Variants in PPP1R12B observed in about 807,000 individuals in gnomAD.
PPP1R12B encodes protein phosphatase 1 regulatory subunit 12B.
A neutral mutation model predicts 126.1 loss-of-function variants in PPP1R12B; 76 were observed. The ratio of observed to expected loss-of-function variants is 0.60; its 90% CI spans 0.50 to 0.73. PPP1R12B has a LOEUF of 0.73. PPP1R12B is among the 30% of genes least tolerant of loss of function. The pLI, the probability that PPP1R12B is intolerant of heterozygous loss-of-function variation, is 0.00. For synonymous variants in PPP1R12B, 356 were observed against 434.7 expected (o/e 0.82, Z 2.25); for missense variants, 1,052 against 1,205.1 (o/e 0.87, Z 1.88).
chr1:202,441,632 A>G (rs987314536), intron 11 of PPP1R12B, among the ~76,000 whole-genome samples: 1 of 152,186 alleles, frequency 6.6e-6, no homozygotes, highest in Non-Finnish European at 1.5e-5. Context: ...GTTTTGCAAC[A>G]AAGACCCTGA....
intron 1 of PPP1R12B, among the ~76,000 whole-genome samples, chr1:202,415,477 G>A (rs189226021): frequency 1.6e-3 from 237 of 152,304 alleles, no homozygotes; most frequent in Middle Eastern, 0.01. Flanking sequence ...TAAAAGGCAA[G>A]TTTTAAAAAG....
At chr1:202,408,669 C>T (rs1284854185) in intron 1 of PPP1R12B, among the ~76,000 whole-genome samples, 1 of 152,042 alleles carries the variant, frequency 6.6e-6, no homozygotes, top group Non-Finnish European at 1.5e-5. Context: ...CAGGATCACA[C>T]TCCCTCTGGT....
chr1:202,472,216 G>T, intron 13 of PPP1R12B: 1 of 490,306 alleles, frequency 2.0e-6, no homozygotes, highest in East Asian at 3.2e-5. Context: ...GTACTTTTTA[G>T]TTTGTCTTTT....
intron 14 of PPP1R12B, among the ~76,000 whole-genome samples, chr1:202,489,110 A>G (rs1274281315): frequency 6.6e-6 from 1 of 152,214 alleles, no homozygotes; most frequent in Non-Finnish European, 1.5e-5. Flanking sequence ...AAAAGCTTTC[A>G]TTGTGTTGAA....
chr1:202,387,403 A>G (rs1482937676), intron 1 of PPP1R12B, among the ~76,000 whole-genome samples: 1 of 152,188 alleles, frequency 6.6e-6, no homozygotes, highest in Non-Finnish European at 1.5e-5. Flanking sequence ...TAATTAAGTG[A>G]AGACTTTGGC....
At chr1:202,487,023 G>A (rs929609519) in intron 13 of PPP1R12B, among the ~76,000 whole-genome samples, 1 of 152,174 alleles carries the variant, frequency 6.6e-6, no homozygotes, top group Admixed American at 6.5e-5. Context: ...TTTCATGAAT[G>A]TGGTAGGAAT....
chr1:202,443,954 G>A (rs1254927470), intron 12 of PPP1R12B, among the ~76,000 whole-genome samples: 2 of 152,196 alleles, frequency 1.3e-5, no homozygotes, highest in African/African-American at 4.8e-5. Context: ...CATGCTTAAT[G>A]ATATGAGCAC....
At chr1:202,393,055 C>A (rs1446553556) in intron 1 of PPP1R12B, among the ~76,000 whole-genome samples, 1 of 152,140 alleles carries the variant, frequency 6.6e-6, no homozygotes, top group Non-Finnish European at 1.5e-5. Context: ...AAGGGATTCT[C>A]GTGCCTCAGC....
At chr1:202,549,488 C>G (rs1686083893) in intron 18 of PPP1R12B, among the ~76,000 whole-genome samples, 2 of 149,190 alleles carry the variant, frequency 1.3e-5, no homozygotes, top group Non-Finnish European at 3.0e-5. Flanking sequence ...GGCGTGATCT[C>G]TGCTCACCGC....
chr1:202,417,071 C>T (rs944394659), intron 2 of PPP1R12B, among the ~76,000 whole-genome samples, 154 bp downstream of exon 2: 3 of 152,180 alleles, frequency 2.0e-5, no homozygotes, highest in African/African-American at 7.2e-5. Flanking sequence ...TAAGCCATAA[C>T]TAATACAATG....
intron 1 of PPP1R12B, among the ~76,000 whole-genome samples, chr1:202,378,849 C>G (rs1661720364): frequency 6.6e-6 from 1 of 152,162 alleles, no homozygotes; most frequent in South Asian, 2.1e-4. Flanking sequence ...TGAATTAAAA[C>G]GCTTATTCTT....
At chr1:202,495,744 G>C in intron 17 of PPP1R12B, 62 bp downstream of exon 17, 4 of 1,439,642 alleles carry the variant, frequency 2.8e-6, no homozygotes, top group Non-Finnish European at 3.9e-6. Context: ...TCTTTCAGTT[G>C]AGTTTAAAAG....
chr1:202,380,055 C>G (rs547089484), intron 1 of PPP1R12B, among the ~76,000 whole-genome samples: 7 of 152,262 alleles, frequency 4.6e-5, no homozygotes, highest in Non-Finnish European at 8.8e-5. Flanking sequence ...TCCTCAACCT[C>G]ATTCACATAC....
intron 1 of PPP1R12B, among the ~76,000 whole-genome samples, chr1:202,415,336 T>G (rs1667932895): frequency 6.6e-6 from 1 of 152,214 alleles, no homozygotes; most frequent in Non-Finnish European, 1.5e-5. Context: ...TCACCATTGC[T>G]TTTGCATCAT....
At chr1:202,510,813 G>T (rs1329782674) in intron 18 of PPP1R12B, among the ~76,000 whole-genome samples, 2 of 149,202 alleles carry the variant, frequency 1.3e-5, no homozygotes, top group Non-Finnish European at 3.0e-5. Context: ...ATTTATTTTT[G>T]ATATGTATTA....
intron 18 of PPP1R12B, among the ~76,000 whole-genome samples, chr1:202,548,162 C>T (rs543009551): frequency 6.6e-6 from 1 of 152,254 alleles, no homozygotes; most frequent in East Asian, 1.9e-4. Flanking sequence ...TCAGCCTTAA[C>T]CAGTAAGGCA....
intron 2 of PPP1R12B, among the ~76,000 whole-genome samples, chr1:202,418,673 C>T (rs1191977249): frequency 6.6e-6 from 1 of 152,058 alleles, no homozygotes; most frequent in African/African-American, 2.4e-5. Context: ...TGATCTAGAC[C>T]AGAATCCATT....
chr1:202,401,775 A>G (rs2148563576), intron 1 of PPP1R12B, among the ~76,000 whole-genome samples: 1 of 152,340 alleles, frequency 6.6e-6, no homozygotes, highest in East Asian at 1.9e-4. Context: ...TCTTTTGCCT[A>G]TACAGCATCT....
chr1:202,414,498 T>G (rs1352591786), intron 1 of PPP1R12B, among the ~76,000 whole-genome samples: 1 of 152,344 alleles, frequency 6.6e-6, no homozygotes. Flanking sequence ...CAAATCAGAT[T>G]TGTTGATAGT....
Sources: gnomAD v4.1 joint callset for allele counts (sites outside exome capture counted in the v4.1 genomes callset) on GRCh38, gnomAD v4.1.1 for gene constraint, MANE v1.5 for transcripts, NCBI Gene and HGNC (gene_info 2026-07-23, HGNC 2026-07-21) for gene names.